The following CNTNAP5 variants were observed in gnomAD, a reference collection of about 807,000 sequenced individuals.
The protein encoded by CNTNAP5 is contactin associated protein family member 5.
In CNTNAP5, 72 loss-of-function variants were observed where a neutral mutation model predicts 150.2. That is an observed-to-expected ratio of 0.48 (90% CI 0.40 to 0.58). The LOEUF (loss-of-function observed/expected upper bound fraction) is 0.58. Among genes scored for constraint, CNTNAP5 ranks in the 20% least tolerant of loss-of-function variants. The pLI is 0.00. For missense variants in CNTNAP5, 1,636 were observed against 1,626.2 expected, an observed-to-expected ratio of 1.01 and a Z score of -0.10; for synonymous variants, 672 against 619.8, an observed-to-expected ratio of 1.08 and a Z score of -1.25.
At chr2:124,302,316 A>G (rs758111676) in intron 3 of CNTNAP5, among the ~76,000 whole-genome samples, 3 of 152,270 alleles carry the variant, frequency 2.0e-5, no homozygotes, top group Non-Finnish European at 4.4e-5. Context: ...GCTCTGTTTC[A>G]CATTTATGTG....
chr2:124,299,287 C>T (rs769096130), intron 3 of CNTNAP5, among the ~76,000 whole-genome samples: 6 of 152,078 alleles, frequency 3.9e-5, no homozygotes, highest in African/African-American at 4.8e-5. Flanking sequence ...CCTTTTTACC[C>T]GGCTGTCTCA....
At chr2:124,632,761 A>G (rs928319150) in intron 12 of CNTNAP5, among the ~76,000 whole-genome samples, 1 of 152,134 alleles carries the variant, frequency 6.6e-6, no homozygotes, top group African/African-American at 2.4e-5. Flanking sequence ...TGGGTAATTT[A>G]TTTTTAAAAA....
chr2:124,155,480 G>A (rs1267448238), intron 1 of CNTNAP5, among the ~76,000 whole-genome samples: 2 of 151,964 alleles, frequency 1.3e-5, no homozygotes. Context: ...TGTGTGTAAA[G>A]TGTTTAAAGT....
chr2:124,819,085 G>A (rs1484431205), intron 19 of CNTNAP5, among the ~76,000 whole-genome samples: 1 of 152,036 alleles, frequency 6.6e-6, no homozygotes, highest in Admixed American at 6.6e-5. Flanking sequence ...TAGAGACCAT[G>A]CCATCTCCAA....
rs748458896 is a variant in CNTNAP5 at position 124,621,191 on chromosome 2, G to GT, written c.1876+11276dup. ...AAAAGATATTTCTTAGCTGTATACT[G>GT]TTTTTCCTTTGTACAGTACAATTGT... On this transcript the variant is annotated intron_variant, in intron 12 of 23. Transcript: ENST00000682447. Among the ~76,000 whole-genome samples, 308 of 152,222 alleles carry GT rather than the reference G, an allele frequency of 2.0e-3. 2 individuals are homozygous for GT. Among genetic ancestry groups the GT allele is most frequent in the Admixed American group, 4.0e-3 (61 of 15,282 alleles).
intron 19 of CNTNAP5, among the ~76,000 whole-genome samples, chr2:124,827,225 A>G (rs1370063949): frequency 6.6e-6 from 1 of 152,118 alleles, no homozygotes; most frequent in Non-Finnish European, 1.5e-5. Context: ...CACCTGGCCT[A>G]CAAAGATTCT....
intron 3 of CNTNAP5, among the ~76,000 whole-genome samples, chr2:124,353,024 G>C (rs1165587612): frequency 4.6e-5 from 7 of 152,136 alleles, no homozygotes; most frequent in Admixed American, 2.0e-4. Context: ...AATTAGTTCT[G>C]GACCCTTGAC....
intron 3 of CNTNAP5, among the ~76,000 whole-genome samples, chr2:124,340,391 T>C (rs1418200597): frequency 6.6e-6 from 1 of 152,114 alleles, no homozygotes; most frequent in African/African-American, 2.4e-5. Flanking sequence ...AAATATTCTC[T>C]TTATGGGTTG....
intron 13 of CNTNAP5, among the ~76,000 whole-genome samples, chr2:124,682,918 A>G (rs1454139): frequency 0.028 from 4,302 of 152,326 alleles, 63 homozygotes; most frequent in Middle Eastern, 0.037. Flanking sequence ...AAATTGTTTT[A>G]ATTACTCTGC....
rs530733013 is a variant in CNTNAP5 at position 124,725,647 on chromosome 2, C to T, written c.2078-21582C>T. ...AGTAGTATCAACTATAGTTATCATGCCACATATTAGGTCTCCAGACCTTAT... is the reference window on the plus strand; with the variant it reads ...AGTAGTATCAACTATAGTTATCATGTCACATATTAGGTCTCCAGACCTTAT... On this transcript the variant is annotated intron_variant, in intron 13 of 23. Transcript: ENST00000682447. Among the ~76,000 whole-genome samples the T allele has an allele frequency of 3.3e-5, 5 of 152,100 alleles. No individual in the cohort carries two copies. The South Asian group carries it at 1.0e-3, about 32-fold the overall frequency.
chr2:124,391,943 G>A (rs1383118918), intron 3 of CNTNAP5, among the ~76,000 whole-genome samples: 6 of 152,068 alleles, frequency 3.9e-5, no homozygotes, highest in Non-Finnish European at 4.4e-5. Flanking sequence ...GTGACAGAGC[G>A]AGACTCCGTC....
At chr2:124,533,574 C>T (rs1264118992) in intron 10 of CNTNAP5, among the ~76,000 whole-genome samples, 1 of 152,166 alleles carries the variant, frequency 6.6e-6, no homozygotes, top group Non-Finnish European at 1.5e-5. Flanking sequence ...AGCAGCTACT[C>T]TTCTGGCCAG....
chr2:124,388,940 A>G (rs974758058), intron 3 of CNTNAP5, among the ~76,000 whole-genome samples: 1 of 152,196 alleles, frequency 6.6e-6, no homozygotes, highest in Non-Finnish European at 1.5e-5. Flanking sequence ...ACAGCCTCAC[A>G]GAATCCTGGA....
intron 12 of CNTNAP5, among the ~76,000 whole-genome samples, 185 bp downstream of exon 12, chr2:124,610,105 A>G (rs1677348500): frequency 6.6e-6 from 1 of 152,248 alleles, no homozygotes; most frequent in Admixed American, 6.5e-5. Context: ...TTCATGAGAC[A>G]GAAAAAAGAA....
intron 11 of CNTNAP5, among the ~76,000 whole-genome samples, chr2:124,584,043 A>G (rs565383898): frequency 6.6e-6 from 1 of 152,300 alleles, no homozygotes; most frequent in Admixed American, 6.5e-5. Context: ...ATGAGAAGAC[A>G]ACAGCTTTCC....
At chr2:124,861,852 C>A (rs1443145035) in intron 19 of CNTNAP5, among the ~76,000 whole-genome samples, 1 of 152,022 alleles carries the variant, frequency 6.6e-6, no homozygotes, top group Non-Finnish European at 1.5e-5. Context: ...CTTGCTCTAT[C>A]GCCCACGCTG....
intron 1 of CNTNAP5, among the ~76,000 whole-genome samples, chr2:124,086,083 A>G (rs1381781355): frequency 6.6e-6 from 1 of 151,684 alleles, no homozygotes; most frequent in African/African-American, 2.4e-5. Context: ...CTCAAACTAC[A>G]CTTGTGAATT....
chr2:124,180,406 A>C (rs1053640761), intron 1 of CNTNAP5, among the ~76,000 whole-genome samples: 2 of 152,204 alleles, frequency 1.3e-5, no homozygotes, highest in African/African-American at 2.4e-5. Context: ...ATATTTTATC[A>C]ATATTTTAGA....
intron 1 of CNTNAP5, among the ~76,000 whole-genome samples, chr2:124,057,532 C>T (rs886963630): frequency 4.2e-5 from 6 of 144,172 alleles, no homozygotes; most frequent in Admixed American, 2.2e-4. Flanking sequence ...CCTCGTGATC[C>T]GCCCGCCTTG....
Sources: gnomAD v4.1 joint callset for allele counts (sites outside exome capture counted in the v4.1 genomes callset) on GRCh38, gnomAD v4.1.1 for gene constraint, MANE v1.5 for transcripts, NCBI Gene and HGNC (gene_info 2026-07-23, HGNC 2026-07-21) for gene names.